The following LRRC7 variants were observed in gnomAD, a reference collection of about 807,000 sequenced individuals.
LRRC7 encodes leucine-rich repeat-containing protein 7.
A neutral mutation model predicts 175.7 loss-of-function variants in LRRC7; 23 were observed. The ratio of observed to expected loss-of-function variants is 0.13; its 90% CI spans 0.09 to 0.19. LRRC7 has a LOEUF of 0.19. Among genes scored for constraint, LRRC7 ranks in the 10% least tolerant of loss-of-function variants. The pLI is 1.00. For synonymous variants in LRRC7, 685 were observed against 680.9 expected (o/e 1.01, Z -0.09); for missense variants, 1,354 against 1,904.7 (o/e 0.71, Z 5.38).
chr1:69,855,170 G>C (rs17131050), intron 7 of LRRC7, among the ~76,000 whole-genome samples: 1,889 of 152,192 alleles, frequency 0.012, 34 homozygotes, highest in African/African-American at 0.042. Context: ...TAGTGTAGTA[G>C]TCCTTGCTTA....
chr1:69,785,107 T>C (rs2101039760), intron 3 of LRRC7, among the ~76,000 whole-genome samples: 2 of 152,270 alleles, frequency 1.3e-5, no homozygotes, highest in South Asian at 4.1e-4. Flanking sequence ...GCTTTTTGTA[T>C]TTTTGTCTGT....
At chr1:69,865,338 C>A (rs568350833) in intron 7 of LRRC7, among the ~76,000 whole-genome samples, 1 of 151,856 alleles carries the variant, frequency 6.6e-6, no homozygotes, top group Non-Finnish European at 1.5e-5. Context: ...AAAAAACGAG[C>A]TAAGGGTAGC....
intron 2 of LRRC7, among the ~76,000 whole-genome samples, chr1:69,715,211 A>C (rs1665210933): frequency 6.6e-6 from 1 of 152,146 alleles, no homozygotes; most frequent in South Asian, 2.1e-4. Flanking sequence ...AAGACTTTTA[A>C]GACATACCAG....
At chr1:69,899,839 G>A (rs1342047351) in intron 7 of LRRC7, among the ~76,000 whole-genome samples, 1 of 152,104 alleles carries the variant, frequency 6.6e-6, no homozygotes, top group Non-Finnish European at 1.5e-5. Context: ...TTCTTGGAGT[G>A]TACAACAAGA....
chr1:69,978,431 A>G (rs1653062119), intron 8 of LRRC7, among the ~76,000 whole-genome samples: 1 of 152,200 alleles, frequency 6.6e-6, no homozygotes, highest in African/African-American at 2.4e-5. Context: ...TGTGCTCCCT[A>G]CACATGATTT....
intron 11 of LRRC7, among the ~76,000 whole-genome samples, chr1:70,009,705 A>G (rs1408020390): frequency 6.6e-6 from 1 of 152,232 alleles, no homozygotes; most frequent in Non-Finnish European, 1.5e-5. Flanking sequence ...ATTTGTCAAT[A>G]TAAAAGGAAA....
Position 69,678,466 on chromosome 1 carries a change from C to A in LRRC7, c.88C>A (p.Pro30Thr), listed in dbSNP as rs143210018. 2 of 1,601,872 alleles carry A rather than the reference C, an allele frequency of 1.2e-6. No individual in the cohort carries two copies. The highest frequency in any genetic ancestry group is 1.7e-6 in the Non-Finnish European group (2 of 1,174,274). Residue 30 changes from proline (P) to threonine (T), a missense_variant, in exon 2 of 27, where the codon CCT becomes ACT. Transcript: ENST00000651989. ...KEVRAALRKRPEEELQCLEMT... is the reference protein window; with the variant it reads ...KEVRAALRKRTEEELQCLEMT... ...GGTTCGTGCAGCACTTCGGAAGAGG[C>A]CTGAAGAGGAGTGTAAGTATGTTTA...
At chr1:70,104,577 C>T (rs1558072254) in intron 25 of LRRC7, among the ~76,000 whole-genome samples, 1 of 152,072 alleles carries the variant, frequency 6.6e-6, no homozygotes, top group African/African-American at 2.4e-5. Context: ...CGGGCAGGAC[C>T]ATTTTTTTAG....
At chr1:70,107,699 T>C in intron 25 of LRRC7, 53 bp from the exon 26 acceptor site, 7 of 1,338,650 alleles carry the variant, frequency 5.2e-6, no homozygotes, top group Non-Finnish European at 7.5e-6. Flanking sequence ...TTTGTTTAAG[T>C]AGGCCTGGTT....
intron 2 of LRRC7, among the ~76,000 whole-genome samples, chr1:69,708,160 C>T (rs894002923): frequency 5.9e-5 from 9 of 152,126 alleles, no homozygotes; most frequent in Non-Finnish European, 7.4e-5. Context: ...ACAATATATA[C>T]GTATGACACA....
chr1:69,759,196 G>A (rs945008876), intron 2 of LRRC7, among the ~76,000 whole-genome samples: 9 of 151,912 alleles, frequency 5.9e-5, no homozygotes, highest in Non-Finnish European at 1.0e-4. Flanking sequence ...AGTAGCTGAC[G>A]GTGATTAGGA....
chr1:69,845,980 A>G (rs912137026), intron 7 of LRRC7, among the ~76,000 whole-genome samples: 9 of 152,126 alleles, frequency 5.9e-5, no homozygotes, highest in African/African-American at 2.2e-4. Flanking sequence ...CCTCAGTTTG[A>G]CAAGCTAACT....
chr1:69,641,498 A>G (rs999968438), intron 1 of LRRC7, among the ~76,000 whole-genome samples: 1 of 151,634 alleles, frequency 6.6e-6, no homozygotes, highest in South Asian at 2.1e-4. Context: ...TCATATATAT[A>G]TTACTAAATT....
intron 1 of LRRC7, among the ~76,000 whole-genome samples, chr1:69,625,112 G>A (rs1773346): frequency 0.14 from 20,632 of 151,726 alleles, 1,662 homozygotes; most frequent in South Asian, 0.19. Flanking sequence ...TTCTAAAGCC[G>A]TCTGAGCAAG....
At chr1:69,823,701 T>A (rs1428481443) in intron 4 of LRRC7, among the ~76,000 whole-genome samples, 1 of 152,296 alleles carries the variant, frequency 6.6e-6, no homozygotes, top group South Asian at 2.1e-4. Context: ...AATTTTGATA[T>A]GTTTTTGGTT....
chr1:69,638,671 C>T (rs1359537047), intron 1 of LRRC7, among the ~76,000 whole-genome samples: 1 of 151,768 alleles, frequency 6.6e-6, no homozygotes, highest in Non-Finnish European at 1.5e-5. Flanking sequence ...TCTAATTTTA[C>T]TATTTCTTTG....
chr1:69,933,475 C>A (rs1426194893), intron 8 of LRRC7, among the ~76,000 whole-genome samples: 1 of 151,958 alleles, frequency 6.6e-6, no homozygotes, highest in Non-Finnish European at 1.5e-5. Flanking sequence ...TAAGATCTGC[C>A]CACACATTTA....
At chr1:69,710,929 A>G (rs1664681760) in intron 2 of LRRC7, among the ~76,000 whole-genome samples, 1 of 152,154 alleles carries the variant, frequency 6.6e-6, no homozygotes, top group Non-Finnish European at 1.5e-5. Context: ...GAAGACATTT[A>G]TATATAGACT....
chr1:69,668,869 T>C (rs1658656160), intron 1 of LRRC7, among the ~76,000 whole-genome samples: 1 of 152,188 alleles, frequency 6.6e-6, no homozygotes, highest in Admixed American at 6.5e-5. Context: ...CTCATTGGAG[T>C]TTTGATTTGC....
Sources: gnomAD v4.1 joint callset for allele counts (sites outside exome capture counted in the v4.1 genomes callset) on GRCh38, gnomAD v4.1.1 for gene constraint, MANE v1.5 for transcripts, NCBI Gene and HGNC (gene_info 2026-07-23, HGNC 2026-07-21) for gene names.